The following TMEM132B variants were observed in gnomAD, a reference collection of about 807,000 sequenced individuals.
The protein encoded by TMEM132B is transmembrane protein 132B.
A neutral mutation model predicts 90.8 loss-of-function variants in TMEM132B; 18 were observed. The observed-to-expected ratio is 0.20, with a 90% CI of 0.14 to 0.29. The LOEUF is 0.29. TMEM132B is among the 10% of genes least tolerant of loss of function. The pLI is 1.00. For synonymous variants in TMEM132B, 504 were observed against 523.3 expected (o/e 0.96, Z 0.50); for missense variants, 1,096 against 1,326.8 (o/e 0.83, Z 2.70).
chr12:125,250,782 A>T (rs940394086), intron 1 of TMEM132B, among the ~76,000 whole-genome samples: 3 of 152,174 alleles, frequency 2.0e-5, no homozygotes, highest in African/African-American at 7.2e-5. Context: ...ACAGCGATTT[A>T]TGTTTCAAAA....
intron 5 of TMEM132B, among the ~76,000 whole-genome samples, chr12:125,607,775 C>T (rs2136935723): frequency 6.6e-6 from 1 of 152,268 alleles, no homozygotes; most frequent in Non-Finnish European, 1.5e-5. Flanking sequence ...CCAACCCTTC[C>T]CAGCTCTAGG....
At chr12:125,278,475 A>AT (rs1555235650) in intron 1 of TMEM132B, among the ~76,000 whole-genome samples, 5 of 100,744 alleles carry the variant, frequency 5.0e-5, no homozygotes, top group African/African-American at 2.9e-4. Context: ...GGGAATCTCC[A>AT]TCTTTTTTTT....
chr12:125,283,930 A>T (rs1246587821), intron 1 of TMEM132B, among the ~76,000 whole-genome samples: 5 of 152,174 alleles, frequency 3.3e-5, no homozygotes, highest in Non-Finnish European at 7.3e-5. Context: ...CAGGAAGGGG[A>T]GTAGAATTAC....
At chr12:125,384,478 G>A (rs1878771664) in intron 2 of TMEM132B, among the ~76,000 whole-genome samples, 1 of 152,046 alleles carries the variant, frequency 6.6e-6, no homozygotes, top group Admixed American at 6.6e-5. Context: ...TTTAAAACAT[G>A]GAATGATTAA....
At chr12:125,190,500 T>TG (rs202046785) in intron 1 of TMEM132B, among the ~76,000 whole-genome samples, 2 of 56,934 alleles carry the variant, frequency 3.5e-5, no homozygotes, top group Non-Finnish European at 6.6e-5. Flanking sequence ...GTGATGGTGA[T>TG]GGGAAGGGGT....
At chr12:125,625,622 C>T (rs1377646526) in intron 5 of TMEM132B, among the ~76,000 whole-genome samples, 1 of 152,202 alleles carries the variant, frequency 6.6e-6, no homozygotes, top group African/African-American at 2.4e-5. Context: ...CTGCTATAAA[C>T]ATTCACATAA....
In TMEM132B at chr12:125,411,879, G is replaced by C. The variant is rs144370804; in HGVS notation, c.960-3652G>C. Among the ~76,000 whole-genome samples the C allele has an allele frequency of 3.9e-3, 590 of 152,278 alleles. 6 individuals are homozygous for C. Among genetic ancestry groups the C allele is most frequent in the African/African-American group, 0.013 (558 of 41,552 alleles). The stretch of plus-strand genomic sequence containing the variant: ...CTGCAGGTGCTGGGAAGGCTGTGCT[G>C]GTTGACAAAATATTTCAAAATGTTG... On this transcript the variant is annotated intron_variant, in intron 2 of 8. Transcript: ENST00000682704.
At chr12:125,521,571 T>C (rs1353883585) in intron 4 of TMEM132B, among the ~76,000 whole-genome samples, 12 of 152,140 alleles carry the variant, frequency 7.9e-5, no homozygotes, top group African/African-American at 2.9e-4. Context: ...AGAAGAGAGC[T>C]GGGCACCCTA....
intron 6 of TMEM132B, among the ~76,000 whole-genome samples, chr12:125,650,195 A>T (rs952966273): frequency 2.0e-5 from 3 of 151,924 alleles, no homozygotes; most frequent in Admixed American, 6.6e-5. Flanking sequence ...TCATATCTTG[A>T]CCTACTTGGT....
chr12:125,333,446 A>T (rs1191393065), intron 1 of TMEM132B, among the ~76,000 whole-genome samples: 3 of 152,246 alleles, frequency 2.0e-5, no homozygotes, highest in Non-Finnish European at 4.4e-5. Flanking sequence ...AAATAGAATT[A>T]ATTACATTCA....
intron 1 of TMEM132B, among the ~76,000 whole-genome samples, chr12:125,299,124 T>G (rs543169222): frequency 6.6e-6 from 1 of 152,330 alleles, no homozygotes; most frequent in Admixed American, 6.5e-5. Flanking sequence ...TAGCTGGGAC[T>G]ATACAGGTGT....
At chr12:125,299,871 C>G (rs1487409497) in intron 1 of TMEM132B, among the ~76,000 whole-genome samples, 1 of 152,244 alleles carries the variant, frequency 6.6e-6, no homozygotes, top group African/African-American at 2.4e-5. Flanking sequence ...TCTGTCCACA[C>G]AGAGCTTGTG....
rs907633086 is a variant in TMEM132B at position 125,277,595 on chromosome 12, A to T, written c.68-71857A>T. Among the ~76,000 whole-genome samples the T allele has an allele frequency of 6.6e-6, 1 of 151,896 alleles. No individual in the cohort carries two copies. The highest frequency in any genetic ancestry group is 1.5e-5 in the Non-Finnish European group (1 of 68,020). On this transcript the variant is annotated intron_variant, in intron 1 of 8. Coordinates refer to ENST00000682704, the MANE Select transcript of TMEM132B (RefSeq NM_001366854.1). The surrounding 1 kb of genome is among the most constrained non-coding windows in gnomAD (Gnocchi z 4.3). ...GATTGGAGTGACGTGCCTACATGCC[A>T]GGGAACACCAAGGGTTTCCAGCGAC... is the stretch of plus-strand genomic sequence containing the variant.
At chr12:125,226,795 C>T (rs943278480) in intron 1 of TMEM132B, among the ~76,000 whole-genome samples, 39 of 152,114 alleles carry the variant, frequency 2.6e-4, no homozygotes, top group African/African-American at 6.8e-4. Flanking sequence ...AGTGCTATGC[C>T]GGCACTGGGG....
chr12:125,486,198 T>G (rs764168144), intron 3 of TMEM132B, among the ~76,000 whole-genome samples: 5 of 152,232 alleles, frequency 3.3e-5, no homozygotes, highest in Non-Finnish European at 5.9e-5. Flanking sequence ...ACAGCCAGGA[T>G]GATTTCTGAG....
chr12:125,432,168 G>GCT (rs1476451333), intron 3 of TMEM132B, among the ~76,000 whole-genome samples: 2 of 151,586 alleles, frequency 1.3e-5, no homozygotes, highest in Non-Finnish European at 2.9e-5. Flanking sequence ...CAAAAGCAAG[G>GCT]TTGGGCAGAC....
At position 125,411,143 on chromosome 12, in the gene TMEM132B, T is replaced by TGAGTG. The variant is rs762235214; in HGVS notation, c.960-4379_960-4375dup. On this transcript the variant is annotated intron_variant, in intron 2 of 8. Transcript: ENST00000682704. The stretch of plus-strand genomic sequence containing the variant: ...GTGGAGTGGAGTGAGTGGAGTGGAG[T>TGAGTG]GAGTGGAGTGGAGGAGTGGAGTGGA... 5.6e-3 allele frequency among the ~76,000 whole-genome samples: 50 copies of TGAGTG among 8,870 alleles called. 2 individuals are homozygous for TGAGTG. The highest frequency in any genetic ancestry group is 0.013 in the African/African-American group (20 of 1,498). 5.8% of individuals were successfully genotyped at this position (8,870 alleles called of 152,430 possible).
rs1879562466 is a variant in TMEM132B, at chr12:125,408,224, T to C, written c.960-7307T>C. The stretch of plus-strand genomic sequence containing the variant: ...AGGCTGCTTCCTCGTTACTGCTGTA[T>C]AGTGTTCCACTGTGAGATGTTACGC... On this transcript the variant is annotated intron_variant, in intron 2 of 8. Coordinates refer to ENST00000682704, the MANE Select transcript of TMEM132B (RefSeq NM_001366854.1). The surrounding 1 kb of genome is among the most constrained non-coding windows in gnomAD (Gnocchi z 5.9). 6.6e-6 allele frequency among the ~76,000 whole-genome samples: 1 copy of C among 152,228 alleles called. No homozygotes were observed. Among genetic ancestry groups the C allele is most frequent in the African/African-American group, 2.4e-5 (1 of 41,474 alleles).
chr12:125,413,734 C>A (rs10744204), intron 2 of TMEM132B, among the ~76,000 whole-genome samples: 11 of 151,946 alleles, frequency 7.2e-5, no homozygotes, highest in Admixed American at 5.9e-4. Context: ...TTTATTTATC[C>A]CTCCATCATA....
Sources: gnomAD v4.1 joint callset for allele counts (sites outside exome capture counted in the v4.1 genomes callset) on GRCh38, gnomAD v4.1.1 for gene constraint, Gnocchi (gnomAD v3.1) non-coding constraint, MANE v1.5 for transcripts, NCBI Gene and HGNC (gene_info 2026-07-23, HGNC 2026-07-21) for gene names.